TTC3: variants seen among roughly 807,000 people sequenced by gnomAD.
TTC3 encodes the protein E3 ubiquitin-protein ligase TTC3.
TTC3 carries 180 observed loss-of-function variants against 249.6 expected under a neutral mutation model. The observed-to-expected ratio is 0.72, with a 90% CI of 0.64 to 0.82. TTC3 has a LOEUF of 0.82. Among genes scored for constraint, TTC3 ranks in the 40% least tolerant of loss-of-function variants. The pLI is 0.00. For missense variants in TTC3, 2,061 were observed against 2,398.4 expected (o/e 0.86, Z 2.94); for synonymous variants, 717 against 805.0 (o/e 0.89, Z 1.85).
Position 37,153,254 on chromosome 21 carries a change from G to A in TTC3, c.2717G>A (p.Trp906Ter). The A allele has an allele frequency of 3.7e-6, 6 of 1,612,590 alleles. No homozygotes were observed. Among genetic ancestry groups the A allele is most frequent in the Non-Finnish European group, 5.1e-6 (6 of 1,179,586 alleles). Residue 906 changes from tryptophan (W) to a stop codon, truncating the protein, a stop_gained, in exon 27 of 46, where the codon TGG becomes TAG. Coordinates refer to ENST00000355666, the Ensembl canonical transcript of TTC3. LOFTEE classifies it high-confidence loss of function. ...GAAGTGGAGCCCAAATTAGCCGCCT[G>A]GATCCAAAAACTTAATAGCTTTGGT... is the stretch of plus-strand genomic sequence containing the variant.
intron 35 of TTC3, among the ~76,000 whole-genome samples, chr21:37,173,768 C>T (rs142987656): frequency 5.3e-5 from 8 of 152,182 alleles, no homozygotes; most frequent in African/African-American, 1.7e-4. Flanking sequence ...TTCCCCAGGA[C>T]CTGTTTATAC....
exon 1 of TTC3, chr21:37,073,302 C>T: frequency 5.5e-6 from 2 of 363,732 alleles, no homozygotes; most frequent in Non-Finnish European, 7.4e-6. Context: ...GAGGTGGCGG[C>T]GGCGGCGGCG....
chr21:37,132,090 T>C (rs1368885008), intron 16 of TTC3, among the ~76,000 whole-genome samples: 2 of 152,176 alleles, frequency 1.3e-5, no homozygotes, highest in African/African-American at 4.8e-5. Flanking sequence ...ATATCATCTT[T>C]ATAATCAATT....
intron 20 of TTC3, among the ~76,000 whole-genome samples, chr21:37,144,129 A>G (rs994454154): frequency 6.6e-6 from 1 of 151,980 alleles, no homozygotes; most frequent in African/African-American, 2.4e-5. Context: ...GCATTAGGAG[A>G]TATACCTAAG....
chr21:37,135,262 G>T (rs779466141), intron 17 of TTC3, 118 bp from the exon 18 acceptor site: 49 of 1,096,218 alleles, frequency 4.5e-5, no homozygotes, highest in Non-Finnish European at 4.9e-5. Context: ...GGGTAGTTTG[G>T]GTATTGATGT....
At chr21:37,110,580 A>G (rs149636892) in intron 11 of TTC3, among the ~76,000 whole-genome samples, 3,056 of 152,354 alleles carry the variant, frequency 0.02, 55 homozygotes, top group Middle Eastern at 0.045. Context: ...TCTACGTCTA[A>G]TTGGTGTACC....
At chr21:37,073,653 A>G (rs2070357056) in intron 1 of TTC3, among the ~76,000 whole-genome samples, 180 bp downstream of exon 1, 1 of 151,982 alleles carries the variant, frequency 6.6e-6, no homozygotes, top group Non-Finnish European at 1.5e-5. Context: ...CGAGGGTGTG[A>G]GTAGTCCCTT....
intron 1 of TTC3, chr21:37,082,517 C>T (rs2071838976): frequency 1.0e-6 from 1 of 985,332 alleles, no homozygotes. Context: ...TAGCTGGCAT[C>T]ACTTTTGAGT....
At chr21:37,111,568 A>C (rs2075664819) in intron 11 of TTC3, among the ~76,000 whole-genome samples, 1 of 152,238 alleles carries the variant, frequency 6.6e-6, no homozygotes, top group African/African-American at 2.4e-5. Context: ...AGTGACCTAC[A>C]AAGTGACTTA....
chr21:37,159,279 C>G (rs149324364), intron 28 of TTC3, among the ~76,000 whole-genome samples: 1 of 148,632 alleles, frequency 6.7e-6, no homozygotes, highest in East Asian at 2.0e-4. Context: ...CTGTGGGCCT[C>G]TCCCTTGCAG....
chr21:37,132,804 CTT>C, intron 17 of TTC3, 38 bp downstream of exon 17: 3 of 1,497,088 alleles, frequency 2.0e-6, no homozygotes, highest in African/African-American at 2.8e-5. Context: ...AAGCAAAACT[CTT>C]TGAACAAAAC....
chr21:37,148,682 ATACTTATTG>A lies in TTC3; in HGVS notation c.2118+38_2118+46del. ...AACAGGATTGTCTGAATTTTTCAGT[ATACTTATTG>A]TATGTCAATTTTTCCCCCAAGAATT... On this transcript the variant is annotated intron_variant, in intron 23 of 45. Transcript: ENST00000355666. The A allele has an allele frequency of 2.1e-6, 3 of 1,432,464 alleles. No homozygotes were observed. The African/African-American group carries it at 4.3e-5, about 21-fold the overall frequency. 88.7% of individuals were successfully genotyped at this position (1,432,464 alleles called of 1,614,324 possible).
At chr21:37,163,129 T>C (rs2080925199) in intron 31 of TTC3, among the ~76,000 whole-genome samples, 1 of 152,240 alleles carries the variant, frequency 6.6e-6, no homozygotes, top group African/African-American at 2.4e-5. Context: ...TTTGGGGGTT[T>C]ACATACATAA....
intron 36 of TTC3, 34 bp downstream of exon 36, chr21:37,182,947 T>A: frequency 8.3e-6 from 12 of 1,447,766 alleles, no homozygotes; most frequent in African/African-American, 2.9e-5. Context: ...AATTTTTATT[T>A]AAAAAAAAAT....
intron 19 of TTC3, among the ~76,000 whole-genome samples, chr21:37,139,932 T>G (rs1308102473): frequency 6.6e-6 from 1 of 152,204 alleles, no homozygotes; most frequent in Non-Finnish European, 1.5e-5. Context: ...CATTTTGTAG[T>G]GACATTTCTT....
chr21:37,094,151 G>A, intron 8 of TTC3, 61 bp downstream of exon 8: 1 of 959,058 alleles, frequency 1.0e-6, no homozygotes, highest in Non-Finnish European at 1.5e-6. Context: ...TTAACACTCA[G>A]AGGAAGTTAA....
chr21:37,152,646 G>A (rs2079592141), intron 26 of TTC3, among the ~76,000 whole-genome samples: 1 of 152,062 alleles, frequency 6.6e-6, no homozygotes, highest in South Asian at 2.1e-4. Context: ...CCAAAGTGCT[G>A]GGATTACAGG....
chr21:37,171,813 A>G (rs1181215615), intron 34 of TTC3, among the ~76,000 whole-genome samples: 1 of 152,162 alleles, frequency 6.6e-6, no homozygotes, highest in Non-Finnish European at 1.5e-5. Flanking sequence ...AGTTTCAAAT[A>G]CTTGATTCCC....
intron 10 of TTC3, among the ~76,000 whole-genome samples, chr21:37,100,285 T>G (rs1388165530): frequency 6.6e-6 from 1 of 152,238 alleles, no homozygotes; most frequent in Non-Finnish European, 1.5e-5. Flanking sequence ...CTCTGTACTT[T>G]TATGTATACT....
Sources: allele counts gnomAD v4.1 joint callset (sites outside exome capture counted in the v4.1 genomes callset), GRCh38; gene constraint gnomAD v4.1.1; transcripts MANE v1.5; gene names NCBI Gene and HGNC (gene_info 2026-07-23, HGNC 2026-07-21).